Variants in TAMM41 observed in about 807,000 individuals in gnomAD.
The protein encoded by TAMM41 is phosphatidate cytidylyltransferase, mitochondrial.
Under a neutral mutation model 44.1 loss-of-function variants are expected in TAMM41, and 36 were observed. The ratio of observed to expected loss-of-function variants is 0.82; its 90% confidence interval spans 0.63 to 1.08. The LOEUF (loss-of-function observed/expected upper bound fraction) is 1.08. Ranked by LOEUF, TAMM41 falls within the 50% of genes least tolerant of loss-of-function variation. The pLI is 0.00. For missense variants in TAMM41, 417 were observed against 404.3 expected, an observed-to-expected ratio of 1.03 and a Z score of -0.27; for synonymous variants, 164 against 153.1, an observed-to-expected ratio of 1.07 and a Z score of -0.53.
chr3:11,784,903 A>C, the TAMM41 span, among the ~76,000 whole-genome samples: 1 of 150,054 alleles, frequency 6.7e-6, no homozygotes, highest in Non-Finnish European at 1.5e-5. Flanking sequence ...CCCGGGTTCA[A>C]GTGATTCTCC....
chr3:11,832,978 A>T, intron 3 of TAMM41: 1 of 1,020,732 alleles, frequency 9.8e-7, no homozygotes, highest in South Asian at 3.5e-5. Context: ...TAAGATTAAG[A>T]GGATGAAAAT....
At chr3:11,780,578 T>C in the TAMM41 span, among the ~76,000 whole-genome samples, 6 of 152,318 alleles carry the variant, frequency 3.9e-5, 1 homozygote, top group South Asian at 4.1e-4. Flanking sequence ...ATGCATGTAA[T>C]AGGGAATAAT....
chr3:11,761,713 G>C, the TAMM41 span, among the ~76,000 whole-genome samples: 1 of 152,008 alleles, frequency 6.6e-6, no homozygotes, highest in African/African-American at 2.4e-5. Flanking sequence ...TTGGGAGGCC[G>C]AGGCGGGTGG....
rs774226693 is a variant in TAMM41 at position 11,790,553 on chromosome 3, T to C, written c.966A>G (p.Ser322=). 2 of 1,614,002 alleles carry C rather than the reference T, an allele frequency of 1.2e-6. No individual in the cohort carries two copies. Among genetic ancestry groups the C allele is most frequent in the African/African-American group, 2.7e-5 (2 of 74,942 alleles). ...CTTTCCACATTTTGTGCAGTTTTAG[T>C]GAACTATAAATCACTGACTTCTTCA... The part of the protein sequence containing the change: ...AGLKKSVIYS[S]LKLHKMWKGW... The change falls in exon 8 of 8, where the codon TCA becomes TCG. Residue 322 remains serine (S), a synonymous_variant. Transcript: ENST00000455809.
chr3:11,829,569 C>T (rs898228632), intron 4 of TAMM41, 145 bp downstream of exon 4: 15 of 779,518 alleles, frequency 1.9e-5, no homozygotes, highest in African/African-American at 1.9e-4. Context: ...AGGCAAATCA[C>T]GAGGTTAGTG....
chr3:11,819,690 T>C (rs2078432842), intron 4 of TAMM41, among the ~76,000 whole-genome samples: 1 of 151,902 alleles, frequency 6.6e-6, no homozygotes, highest in South Asian at 2.1e-4. Flanking sequence ...AGCTCAGGAG[T>C]TCGAGACCAG....
chr3:11,829,769 G>T lies in TAMM41; in HGVS notation c.507C>A (p.Pro169=). 6.2e-7 allele frequency: 1 copy of T among 1,614,148 alleles called. No homozygotes were observed. Among genetic ancestry groups the T allele is most frequent in the Non-Finnish European group, 8.5e-7 (1 of 1,180,010 alleles). Residue 169 remains proline (P), a synonymous_variant, in exon 4 of 8, where the codon CCC becomes CCA. Transcript: ENST00000455809. ...AGAGGTCTTCTTCAGAAAAGCTTTC[G>T]GGGAGCATGAGGAAAGCAGCGGTCA... The part of the protein sequence containing the change: ...SAVTAAFLML[P]ESFSEEDLFI...
chr3:11,761,946 CA>C, the TAMM41 span, among the ~76,000 whole-genome samples: 3,482 of 74,960 alleles, frequency 0.046, 85 homozygotes, highest in African/African-American at 0.12. Context: ...GACTCTGTCT[CA>C]AAAAAAAAAA....
the TAMM41 span, among the ~76,000 whole-genome samples, chr3:11,758,713 G>A: frequency 6.6e-6 from 1 of 151,274 alleles, no homozygotes; most frequent in South Asian, 2.1e-4. Flanking sequence ...TTGCTGTGTT[G>A]CCCAGGCTAG....
rs776821168 is a variant in TAMM41 at position 11,839,245 on chromosome 3, T to C, written c.388A>G (p.Ile130Val). 2.5e-6 allele frequency: 4 copies of C among 1,613,392 alleles called. No homozygotes were observed. Among genetic ancestry groups the C allele is most frequent in the African/African-American group, 2.7e-5 (2 of 74,912 alleles). ...EDLLNWNNLY[I>V]AGRLQKPVKI... ...ACCGGTTTTTGGAGTCGTCCAGCAATGTATAAGTTATTCCAGTTGAGGAGA... is the reference window on the plus strand; with the variant it reads ...ACCGGTTTTTGGAGTCGTCCAGCAACGTATAAGTTATTCCAGTTGAGGAGA... Residue 130 changes from isoleucine (I) to valine (V), a missense_variant, in exon 3 of 8, where the codon ATT (isoleucine) becomes GTT (valine). Coordinates refer to ENST00000455809, the MANE Select transcript of TAMM41 (RefSeq NM_001284401.2).
chr3:11,757,786 G>T, the TAMM41 span, among the ~76,000 whole-genome samples: 1 of 152,206 alleles, frequency 6.6e-6, no homozygotes, highest in African/African-American at 2.4e-5. Flanking sequence ...CCATACCAGT[G>T]CAGGGTGACA....
Position 11,833,926 on chromosome 3 carries a change from G to A in TAMM41, c.412-4062C>T, listed in dbSNP as rs372439806. On this transcript the variant is annotated intron_variant, in intron 3 of 7. Coordinates refer to ENST00000455809, the MANE Select transcript of TAMM41 (RefSeq NM_001284401.2). ...TAAATGGTTGAGCTGTGTGGTATGC[G>A]AATTTTATCTCAATAAAGCTGTTAT... Among the ~76,000 whole-genome samples, 23 of 152,214 alleles carry A rather than the reference G, an allele frequency of 1.5e-4. No individual in the cohort carries two copies. The South Asian group carries it at 4.6e-3, about 30-fold the overall frequency.
At chr3:11,790,200 G>A (rs2077448209), downstream of TAMM41, among the ~76,000 whole-genome samples, 1 of 152,174 alleles carries the variant, frequency 6.6e-6, no homozygotes, top group Non-Finnish European at 1.5e-5. Context: ...CGTGTTGACA[G>A]CATACAAGAA....
In TAMM41 at chr3:11,846,681, C is replaced by T. The variant is rs756747001; in HGVS notation, c.-45G>A. 6 of 1,612,776 alleles carry T rather than the reference C, an allele frequency of 3.7e-6. No homozygotes were observed. The highest frequency in any genetic ancestry group is 1.6e-4 in the Middle Eastern group (1 of 6,080). ...GACACTCAGCGCAGCAGGGCGAGGA[C>T]AACCGGGCGGGGAACAGACACCGGG... On this transcript the variant is annotated 5_prime_UTR_variant, in exon 1 of 8. Transcript: ENST00000455809.
At chr3:11,742,971 GC>G in the TAMM41 span, among the ~76,000 whole-genome samples, 1 of 152,082 alleles carries the variant, frequency 6.6e-6, no homozygotes, top group African/African-American at 2.4e-5. Context: ...AAAGACTAAA[GC>G]CAGAAAAACT....
chr3:11,736,415 C>A, the TAMM41 span, among the ~76,000 whole-genome samples: 1 of 152,198 alleles, frequency 6.6e-6, no homozygotes, highest in African/African-American at 2.4e-5. Context: ...TTCTGAATTT[C>A]AATTCCAAAA....
At chr3:11,758,973 G>C in the TAMM41 span, among the ~76,000 whole-genome samples, 1 of 152,162 alleles carries the variant, frequency 6.6e-6, no homozygotes, top group African/African-American at 2.4e-5. Flanking sequence ...TGCCCAGCCT[G>C]AGAAATATAA....
At chr3:11,839,108 C>T in intron 3 of TAMM41, 114 bp downstream of exon 3, 1 of 621,890 alleles carries the variant, frequency 1.6e-6, no homozygotes. Context: ...TAGGAAGAGT[C>T]AGAAACTCAT....
chr3:11,761,980 GAAA>G, the TAMM41 span, among the ~76,000 whole-genome samples: 1 of 144,576 alleles, frequency 6.9e-6, no homozygotes, highest in Non-Finnish European at 1.5e-5. Context: ...AGAAAGAAAA[GAAA>G]AAAAGAAAAA....
Sources: allele counts gnomAD v4.1 joint callset (sites outside exome capture counted in the v4.1 genomes callset), GRCh38; gene constraint gnomAD v4.1.1; transcripts MANE v1.5; gene names NCBI Gene and HGNC (gene_info 2026-07-23, HGNC 2026-07-21).